Variants in RBFOX1 observed in about 807,000 individuals in gnomAD.
The protein encoded by RBFOX1 is RNA binding protein fox-1 homolog 1.
A neutral mutation model predicts 57.7 loss-of-function variants in RBFOX1; 8 were observed. The ratio of observed to expected loss-of-function variants is 0.14; its 90% confidence interval spans 0.08 to 0.25. The LOEUF (loss-of-function observed/expected upper bound fraction) is 0.25. Ranked by LOEUF, RBFOX1 falls within the 10% of genes least tolerant of loss-of-function variation. The probability of loss-of-function intolerance (pLI) is 1.00; values close to 1 mark genes in which losing one functional copy is unlikely to be tolerated. For missense variants in RBFOX1, 611 were observed against 548.5 expected, an observed-to-expected ratio of 1.11 and a Z score of -1.14; for synonymous variants, 326 against 222.4, an observed-to-expected ratio of 1.47 and a Z score of -4.15.
At chr16:5,601,769 A>C (rs2151210583), downstream of RBFOX1, 1 of 152,348 alleles carries the variant, frequency 6.6e-6, no homozygotes, top group South Asian at 2.1e-4. Context: ...GTGGCACAGA[A>C]GCTTTTGAAG....
chr16:5,321,085 G>GGA (rs2064390220), intron 1 of RBFOX1, among the ~76,000 whole-genome samples: 1 of 152,150 alleles, frequency 6.6e-6, no homozygotes, highest in Non-Finnish European at 1.5e-5. Flanking sequence ...TCCAAGCACT[G>GGA]GAGACTGAAT....
chr16:6,021,270 C>T (rs1375861309), intron 1 of RBFOX1, among the ~76,000 whole-genome samples: 2 of 152,134 alleles, frequency 1.3e-5, no homozygotes, highest in South Asian at 2.1e-4. Flanking sequence ...AAGTTTAGGA[C>T]ATGCCCCAGC....
At chr16:6,448,423 C>T (rs577176352) in intron 2 of RBFOX1, among the ~76,000 whole-genome samples, 13 of 152,222 alleles carry the variant, frequency 8.5e-5, no homozygotes, top group Non-Finnish European at 1.5e-4. Context: ...TCCCAAAGTG[C>T]TGGGATTACA....
At chr16:5,556,618 A>C (rs956896547) in intron 2 of RBFOX1, among the ~76,000 whole-genome samples, 2 of 152,104 alleles carry the variant, frequency 1.3e-5, no homozygotes, top group African/African-American at 4.8e-5. Context: ...GAGGATGCCA[A>C]CCCTCTCCCT....
At chr16:5,622,099 T>TA (rs146422050) in intron 3 of RBFOX1, among the ~76,000 whole-genome samples, 3,601 of 152,286 alleles carry the variant, frequency 0.024, 137 homozygotes, top group African/African-American at 0.082. Flanking sequence ...TGTTCTTCAT[T>TA]AAAACCATAC....
chr16:7,186,795 C>T (rs1379728396), intron 4 of RBFOX1, among the ~76,000 whole-genome samples: 1 of 151,024 alleles, frequency 6.6e-6, no homozygotes, highest in Non-Finnish European at 1.5e-5. Context: ...ATCCTGCCAT[C>T]AAGTATCCAG....
chr16:7,694,201 T>C (rs1367078229), intron 14 of RBFOX1, among the ~76,000 whole-genome samples: 1 of 152,234 alleles, frequency 6.6e-6, no homozygotes, highest in African/African-American at 2.4e-5. Context: ...TGTGTTGCTT[T>C]CAGCCTGCGA....
intron 1 of RBFOX1, among the ~76,000 whole-genome samples, chr16:5,247,919 C>T (rs1881332): frequency 0.29 from 44,786 of 152,096 alleles, 7,116 homozygotes; most frequent in South Asian, 0.42. Flanking sequence ...ATCAGGGGCA[C>T]AACCCAGGAT....
At chr16:6,344,398 C>CTTTTT (rs1176288797) in intron 2 of RBFOX1, among the ~76,000 whole-genome samples, 50 of 71,942 alleles carry the variant, frequency 7.0e-4, no homozygotes, top group African/African-American at 4.8e-3. Flanking sequence ...CTTCTTTTTT[C>CTTTTT]TTTTTTTTCT....
At chr16:6,785,036 A>T (rs1400272540) in intron 3 of RBFOX1, among the ~76,000 whole-genome samples, 1 of 152,194 alleles carries the variant, frequency 6.6e-6, no homozygotes, top group East Asian at 1.9e-4. Context: ...AGTGAAAAAA[A>T]ATAGGCATTT....
intron 3 of RBFOX1, among the ~76,000 whole-genome samples, chr16:5,759,580 A>G (rs2053522526): frequency 6.6e-6 from 1 of 152,246 alleles, no homozygotes; most frequent in Non-Finnish European, 1.5e-5. Context: ...ATGGCACAGA[A>G]CATGAGGTTC....
intron 1 of RBFOX1, among the ~76,000 whole-genome samples, chr16:6,313,254 C>T (rs1030774790): frequency 1.3e-5 from 2 of 152,102 alleles, no homozygotes; most frequent in Non-Finnish European, 2.9e-5. Context: ...TTAGGGATGT[C>T]AGGAGTAAGG....
intron 4 of RBFOX1, among the ~76,000 whole-genome samples, chr16:7,267,969 G>A (rs1380089248): frequency 1.3e-5 from 2 of 152,174 alleles, no homozygotes; most frequent in African/African-American, 4.8e-5. Context: ...AAATCGTTAG[G>A]CAATCTTGTC....
At chr16:5,970,749 C>T (rs971633338) in intron 4 of RBFOX1, among the ~76,000 whole-genome samples, 1 of 152,162 alleles carries the variant, frequency 6.6e-6, no homozygotes, top group Non-Finnish European at 1.5e-5. Context: ...TGAAATGGCA[C>T]TGACATCAAA....
At chr16:6,866,695 C>A (rs973678573) in intron 3 of RBFOX1, among the ~76,000 whole-genome samples, 4 of 151,764 alleles carry the variant, frequency 2.6e-5, no homozygotes, top group African/African-American at 9.7e-5. Context: ...GCGCCTGCCA[C>A]CACGCCTGGC....
intron 2 of RBFOX1, among the ~76,000 whole-genome samples, chr16:6,579,238 C>G (rs909932014): frequency 6.6e-6 from 1 of 151,974 alleles, no homozygotes; most frequent in African/African-American, 2.4e-5. Context: ...AGGTCTTATT[C>G]TGTTACCCAG....
At chr16:6,643,224 T>G (rs1393675560) in intron 2 of RBFOX1, among the ~76,000 whole-genome samples, 8 of 152,212 alleles carry the variant, frequency 5.3e-5, no homozygotes, top group Non-Finnish European at 1.2e-4. Context: ...TTGGATACTC[T>G]TGCATAGGAC....
At chr16:7,161,027 T>C (rs2078218841) in intron 4 of RBFOX1, among the ~76,000 whole-genome samples, 1 of 152,088 alleles carries the variant, frequency 6.6e-6, no homozygotes. Context: ...GGTCCATTTG[T>C]TGTCAGTGTT....
At chr16:7,371,218 G>A (rs2097559829) in intron 4 of RBFOX1, among the ~76,000 whole-genome samples, 1 of 152,138 alleles carries the variant, frequency 6.6e-6, no homozygotes. Flanking sequence ...ACATTTGTGT[G>A]TTGTATGTGT....
Sources: allele counts gnomAD v4.1 joint callset (sites outside exome capture counted in the v4.1 genomes callset), GRCh38; gene constraint gnomAD v4.1.1; transcripts MANE v1.5; gene names NCBI Gene and HGNC (gene_info 2026-07-23, HGNC 2026-07-21).